Variants in DCBLD2 observed in about 807,000 individuals in gnomAD.
DCBLD2 encodes the protein discoidin, CUB and LCCL domain containing 2, also known as discoidin, CUB and LCCL domain-containing protein 2.
Under a neutral mutation model 86.8 loss-of-function variants are expected in DCBLD2, and 54 were observed. That is an observed-to-expected ratio of 0.62 (90% CI 0.50 to 0.78). DCBLD2 has a LOEUF of 0.78. Ranked by LOEUF, DCBLD2 falls within the 30% of genes least tolerant of loss-of-function variation. DCBLD2 has a pLI of 0.00. For synonymous variants in DCBLD2, 354 were observed against 341.3 expected (o/e 1.04, Z -0.41); for missense variants, 908 against 954.2 (o/e 0.95, Z 0.64).
At chr3:98,807,575 C>A (rs1941863684) in intron 13 of DCBLD2, among the ~76,000 whole-genome samples, 1 of 152,128 alleles carries the variant, frequency 6.6e-6, no homozygotes, top group South Asian at 2.1e-4. Flanking sequence ...ATTTATGTCA[C>A]CCAGGTTATG....
intron 2 of DCBLD2, among the ~76,000 whole-genome samples, chr3:98,858,506 T>A (rs1019381195): frequency 5.9e-5 from 9 of 152,120 alleles, no homozygotes; most frequent in Non-Finnish European, 1.3e-4. Flanking sequence ...TAAAAATAAA[T>A]ACACAAAGCA....
intron 3 of DCBLD2, among the ~76,000 whole-genome samples, chr3:98,838,149 C>CG (rs1295307420): frequency 1.6e-5 from 2 of 126,300 alleles, no homozygotes; most frequent in Non-Finnish European, 1.8e-5. Context: ...GGGGGCTGAC[C>CG]CCCCCCACCT....
chr3:98,900,757 C>A (rs959289011), intron 1 of DCBLD2: 3 of 275,684 alleles, frequency 1.1e-5, no homozygotes, highest in African/African-American at 6.8e-5. Context: ...AATTAACCTG[C>A]CTTCCTACAG....
intron 2 of DCBLD2, among the ~76,000 whole-genome samples, chr3:98,854,162 G>A (rs1441758215): frequency 6.6e-6 from 1 of 152,166 alleles, no homozygotes; most frequent in African/African-American, 2.4e-5. Context: ...TTAGTGTAGT[G>A]GGACAAATCA....
intron 3 of DCBLD2, among the ~76,000 whole-genome samples, chr3:98,839,154 T>TCTCTCTTTC (rs1942565301): frequency 3.0e-5 from 1 of 32,812 alleles, no homozygotes; most frequent in Non-Finnish European, 6.2e-5. Flanking sequence ...CTTCTTTCTT[T>TCTCTCTTTC]CTTTCTTTCT....
intron 2 of DCBLD2, among the ~76,000 whole-genome samples, chr3:98,879,837 A>T (rs552076821): frequency 2.1e-4 from 32 of 152,142 alleles, no homozygotes; most frequent in Non-Finnish European, 2.8e-4. Context: ...TCCTTAATTT[A>T]GTCCTTACAC....
At chr3:98,840,590 G>A (rs895734215) in intron 3 of DCBLD2, among the ~76,000 whole-genome samples, 1 of 152,102 alleles carries the variant, frequency 6.6e-6, no homozygotes, top group African/African-American at 2.4e-5. Flanking sequence ...TCAAGTTCCT[G>A]GTCTCAAGCA....
In DCBLD2 at chr3:98,796,124, C is replaced by T. The variant is rs1355272275; in HGVS notation, c.*3248G>A. The T allele has an allele frequency of 6.6e-6, 1 of 152,618 alleles. No individual in the cohort carries two copies. The highest frequency in any genetic ancestry group is 1.5e-5 in the Non-Finnish European group (1 of 68,034). The allele number at this position is 152,618 out of a possible 1,614,324, so 9.5% of individuals were successfully genotyped here. ...AACATATACAAATACTGAGTGACTACAGTACATGCCGAGGTAAGATAAGTA... is the reference window on the plus strand; with the variant it reads ...AACATATACAAATACTGAGTGACTATAGTACATGCCGAGGTAAGATAAGTA... On this transcript the variant is annotated 3_prime_UTR_variant, in exon 16 of 16. Coordinates refer to ENST00000326840, the MANE Select transcript of DCBLD2 (RefSeq NM_080927.4).
intron 2 of DCBLD2, among the ~76,000 whole-genome samples, chr3:98,855,418 C>T (rs1305428680): frequency 1.3e-5 from 2 of 152,186 alleles, no homozygotes; most frequent in Non-Finnish European, 2.9e-5. Flanking sequence ...ACTGCTAAAG[C>T]TGAACATATG....
intron 2 of DCBLD2, among the ~76,000 whole-genome samples, chr3:98,875,937 C>T (rs189187462): frequency 1.7e-3 from 264 of 151,812 alleles, no homozygotes; most frequent in Non-Finnish European, 3.2e-3. Context: ...AAAATGAAAT[C>T]ATATAATCCC....
chr3:98,825,612 A>G (rs1323341340), intron 3 of DCBLD2, among the ~76,000 whole-genome samples: 1 of 140,168 alleles, frequency 7.1e-6, no homozygotes, highest in Non-Finnish European at 1.5e-5. Context: ...GAAGTCACAT[A>G]CCATATACAC....
In DCBLD2 at chr3:98,870,810, A is replaced by AAAGAAAGAAAGAAAGG. The variant is rs760385201; in HGVS notation, c.433+10729_433+10730insCCTTTCTTTCTTTCTT. On this transcript the variant is annotated intron_variant, in intron 2 of 15. Coordinates refer to ENST00000326840, the MANE Select transcript of DCBLD2 (RefSeq NM_080927.4). The stretch of plus-strand genomic sequence containing the variant: ...GAAAGAAAGAAAGAAAGAAAGAAAG[A>AAAGAAAGAAAGAAAGG]AAGGTAGGCAGGCATTGGTGGTATT... Among the ~76,000 whole-genome samples the AAAGAAAGAAAGAAAGG allele has an allele frequency of 2.7e-3, 360 of 131,574 alleles. 2 individuals carry two copies. The highest frequency in any genetic ancestry group is 4.3e-3 in the South Asian group (18 of 4,142). 86.3% of individuals were successfully genotyped at this position (131,574 alleles called of 152,430 possible).
rs1439981588 is a variant in DCBLD2, at chr3:98,881,719, G to A, written c.254C>T (p.Thr85Ile). The change falls in exon 2 of 16, where the codon ACA (threonine) becomes ATA (isoleucine). Residue 85 changes from threonine (T) to isoleucine (I), a missense_variant. Coordinates refer to ENST00000326840, the MANE Select transcript of DCBLD2 (RefSeq NM_080927.4). The stretch of plus-strand genomic sequence containing the variant: ...ATAGGTCTGTGGGTAGTTTATGGAT[G>A]TAAGGGTTCCACTCTCAGGGCCTAG... The part of the protein sequence containing the change: ...TVLGPESGTL[T>I]SINYPQTYPN... 5 of 1,613,796 alleles carry A rather than the reference G, an allele frequency of 3.1e-6. No homozygotes were observed. Among genetic ancestry groups the A allele is most frequent in the African/African-American group, 1.3e-5 (1 of 74,898 alleles).
chr3:98,819,086 A>G, intron 8 of DCBLD2, 116 bp downstream of exon 8: 2 of 1,017,416 alleles, frequency 2.0e-6, no homozygotes, highest in Non-Finnish European at 2.8e-6. Context: ...AAGAAAATAT[A>G]AAACCATATA....
intron 7 of DCBLD2, among the ~76,000 whole-genome samples, chr3:98,819,977 T>C (rs532537432): frequency 6.6e-6 from 1 of 152,344 alleles, no homozygotes; most frequent in South Asian, 2.1e-4. Flanking sequence ...ACTCAGTAAG[T>C]ATTTTCTGTT....
Position 98,800,561 on chromosome 3 carries a change from A to C in DCBLD2, c.1858+18T>G. On this transcript the variant is annotated intron_variant, in intron 15 of 15. Transcript: ENST00000326840. The stretch of plus-strand genomic sequence containing the variant: ...GTTTCTCCCTCTGCCTGGTACCAGA[A>C]GGCTGCAACATAGTTACCTGCAGAG... 1 of 1,605,218 alleles carries C rather than the reference A, an allele frequency of 6.2e-7. No individual in the cohort carries two copies. The highest frequency in any genetic ancestry group is 8.5e-7 in the Non-Finnish European group (1 of 1,174,894).
chr3:98,856,680 G>A (rs1487178225), intron 2 of DCBLD2, among the ~76,000 whole-genome samples: 1 of 152,018 alleles, frequency 6.6e-6, no homozygotes, highest in African/African-American at 2.4e-5. Context: ...GAAACTAGGG[G>A]CAGAAATGGA....
chr3:98,865,003 T>C (rs1305022500), intron 2 of DCBLD2, among the ~76,000 whole-genome samples: 1 of 152,160 alleles, frequency 6.6e-6, no homozygotes, highest in Non-Finnish European at 1.5e-5. Flanking sequence ...ACTTCTACAC[T>C]ATTGGTGGGA....
Position 98,863,531 on chromosome 3 carries a change from C to G in DCBLD2, c.434-13933G>C, listed in dbSNP as rs1245050975. Among the ~76,000 whole-genome samples the G allele has an allele frequency of 2.0e-5, 3 of 152,186 alleles. No homozygotes were observed. In the East Asian group the frequency reaches 5.8e-4, roughly 29 times the overall value. The stretch of plus-strand genomic sequence containing the variant: ...AAAACAGAGATATAGACCAATGGAA[C>G]AGAACAGAGCCCTCAGAAATAATAC... On this transcript the variant is annotated intron_variant, in intron 2 of 15. Coordinates refer to ENST00000326840, the MANE Select transcript of DCBLD2 (RefSeq NM_080927.4).
Sources: allele counts gnomAD v4.1 joint callset (sites outside exome capture counted in the v4.1 genomes callset), GRCh38; gene constraint gnomAD v4.1.1; transcripts MANE v1.5; gene names NCBI Gene and HGNC (gene_info 2026-07-23, HGNC 2026-07-21).